Variants in HRH1 observed in about 807,000 individuals in gnomAD.
The protein encoded by HRH1 is histamine receptor H1, also known as histamine H1 receptor.
Under a neutral mutation model 10.3 loss-of-function variants are expected in HRH1, and 6 were observed. The ratio of observed to expected loss-of-function variants is 0.58; its 90% CI spans 0.32 to 1.15. The LOEUF (loss-of-function observed/expected upper bound fraction) is 1.15. Ranked by LOEUF, HRH1 falls within the 50% of genes most tolerant of loss-of-function variation. The pLI, the probability that HRH1 is intolerant of heterozygous loss-of-function variation, is 0.05. For missense variants in HRH1, 514 were observed against 615.3 expected (o/e 0.84, Z 1.74); for synonymous variants, 242 against 236.7 (o/e 1.02, Z -0.21).
chr3:11,248,938 A>G (rs1370658017), intron 1 of HRH1, among the ~76,000 whole-genome samples: 1 of 152,234 alleles, frequency 6.6e-6, no homozygotes, highest in Non-Finnish European at 1.5e-5. Context: ...CAAGCCTAAC[A>G]GTCGCTTTTA....
At chr3:11,186,231 C>G (rs1270361294) in intron 1 of HRH1, among the ~76,000 whole-genome samples, 1 of 152,168 alleles carries the variant, frequency 6.6e-6, no homozygotes, top group Admixed American at 6.5e-5. Context: ...ATGTGGGCAG[C>G]CTGACCTCTA....
At chr3:11,217,028 A>G (rs1938529871) in intron 1 of HRH1, among the ~76,000 whole-genome samples, 4 of 151,736 alleles carry the variant, frequency 2.6e-5, no homozygotes, top group Admixed American at 2.6e-4. Context: ...TACTAAAAAT[A>G]CAAAAAAATT....
intron 1 of HRH1, among the ~76,000 whole-genome samples, chr3:11,212,339 C>T (rs545245180): frequency 6.6e-6 from 1 of 152,206 alleles, no homozygotes; most frequent in East Asian, 1.9e-4. Context: ...GGTTCTTTTC[C>T]AGTCTGGGCA....
chr3:11,197,044 G>C (rs1255106812), intron 1 of HRH1, among the ~76,000 whole-genome samples: 2 of 149,430 alleles, frequency 1.3e-5, no homozygotes, highest in African/African-American at 2.5e-5. Context: ...AGAGTGGCGT[G>C]AACTCAGGAG....
In HRH1 at chr3:11,241,136, CATT is replaced by C. The variant is rs1359395981; in HGVS notation, c.-35-17866_-35-17864del. ...CCCTATTATAAAATAAAGACAATCTCATTGTTGAAATCCTGAGAAATACCAAAT... is the reference window on the plus strand; with the variant it reads ...CCCTATTATAAAATAAAGACAATCTCGTTGAAATCCTGAGAAATACCAAAT... On this transcript the variant is annotated intron_variant, in intron 1 of 1. Transcript: ENST00000431010. Among the ~76,000 whole-genome samples, 5 of 152,248 alleles carry C rather than the reference CATT, an allele frequency of 3.3e-5. No homozygotes were observed. In the East Asian group the frequency reaches 7.7e-4, roughly 23 times the overall value.
At chr3:11,149,738 G>C (rs1936557961), upstream of HRH1, among the ~76,000 whole-genome samples, 1 of 152,230 alleles carries the variant, frequency 6.6e-6, no homozygotes, top group Non-Finnish European at 1.5e-5. Context: ...AATTTATGCT[G>C]AACACATTTC....
At chr3:11,187,742 CGAT>C in intron 1 of HRH1, among the ~76,000 whole-genome samples, 1 of 152,296 alleles carries the variant, frequency 6.6e-6, no homozygotes, top group African/African-American at 2.4e-5. Flanking sequence ...CCAACTCCTA[CGAT>C]GATTTGTATT....
intron 1 of HRH1, among the ~76,000 whole-genome samples, chr3:11,197,561 A>G (rs1006968724): frequency 2.6e-5 from 4 of 152,196 alleles, no homozygotes; most frequent in African/African-American, 4.8e-5. Context: ...CTCAGTGCCA[A>G]TTTGGATGTT....
intron 1 of HRH1, among the ~76,000 whole-genome samples, chr3:11,195,241 T>C (rs1043277692): frequency 6.6e-6 from 1 of 152,170 alleles, no homozygotes; most frequent in African/African-American, 2.4e-5. Flanking sequence ...TCAAAAGTGG[T>C]TCCTTGGAAA....
At chr3:11,152,271 T>C (rs1035872238), upstream of HRH1, among the ~76,000 whole-genome samples, 1 of 152,204 alleles carries the variant, frequency 6.6e-6, no homozygotes, top group Non-Finnish European at 1.5e-5. Flanking sequence ...CTGTTACTTT[T>C]CTGCTGCAGC....
chr3:11,165,789 T>C (rs1937018334), intron 1 of HRH1, among the ~76,000 whole-genome samples: 1 of 152,196 alleles, frequency 6.6e-6, no homozygotes, highest in South Asian at 2.1e-4. Flanking sequence ...TGTCTATCTG[T>C]GCACTAAATG....
At chr3:11,166,089 C>A (rs13063467) in intron 1 of HRH1, among the ~76,000 whole-genome samples, 9,818 of 152,220 alleles carry the variant, frequency 0.064, 598 homozygotes, top group African/African-American at 0.16. Context: ...GGCAACCAGC[C>A]CTTCCCCAGA....
chr3:11,207,992 GCAGA>G (rs1192959136), intron 1 of HRH1, among the ~76,000 whole-genome samples: 3 of 152,174 alleles, frequency 2.0e-5, no homozygotes, highest in African/African-American at 4.8e-5. Flanking sequence ...AGAAGCAAGA[GCAGA>G]CAGTCTTTCC....
chr3:11,193,547 C>A (rs182168585), intron 1 of HRH1, among the ~76,000 whole-genome samples: 1 of 152,002 alleles, frequency 6.6e-6, no homozygotes, highest in African/African-American at 2.4e-5. Context: ...GTTCATAGAC[C>A]GAACCTTCTC....
intron 1 of HRH1, among the ~76,000 whole-genome samples, chr3:11,170,123 A>G (rs1020694973): frequency 1.3e-5 from 2 of 152,196 alleles, no homozygotes; most frequent in African/African-American, 4.8e-5. Flanking sequence ...GAGCTGTGTG[A>G]CAGGTGAACG....
rs529978896 is a variant in HRH1 at position 11,142,251 on chromosome 3, C to T, written c.-36+4852C>T. 3.3e-5 allele frequency among the ~76,000 whole-genome samples: 5 copies of T among 152,296 alleles called. No homozygotes were observed. The South Asian group carries it at 1.0e-3, about 32-fold the overall frequency. Reference sequence around the variant, plus strand: ...GACCTTAGAGGCAGGAGTCCTGGAGCCTAGGTCTGTCTCTGACATTGATTT... The same window carrying T: ...GACCTTAGAGGCAGGAGTCCTGGAGTCTAGGTCTGTCTCTGACATTGATTT... On this transcript the variant is annotated intron_variant, in intron 1 of 1. Coordinates refer to the HRH1 transcript ENST00000438284.
chr3:11,171,674 C>T (rs1179101211), intron 1 of HRH1, among the ~76,000 whole-genome samples: 1 of 152,248 alleles, frequency 6.6e-6, no homozygotes, highest in Non-Finnish European at 1.5e-5. Flanking sequence ...GAACTTCTCA[C>T]TCTTCAAACA....
Position 11,154,678 on chromosome 3 carries a change from G to A in HRH1, c.-36+124G>A, listed in dbSNP as rs1574977665. ...GCGGCCGGGAACCCCGGAGCCGCCC[G>A]CTTGAGAAGAGCGCGCTTGGGTACC... On this transcript the variant is annotated intron_variant, in intron 1 of 1. Transcript: ENST00000431010. This position sits in a 1 kb window ranked among gnomAD's most constrained non-coding sequence, Gnocchi z 4.4. The A allele has an allele frequency of 1.3e-5, 2 of 152,178 alleles. No homozygotes were observed. Among genetic ancestry groups the A allele is most frequent in the East Asian group, 3.9e-4 (2 of 5,130 alleles). 9.4% of individuals were successfully genotyped at this position (152,178 alleles called of 1,614,324 possible). A position where few individuals can be genotyped will look rare whatever the true frequency, so the allele number is the denominator to read the frequency against.
At chr3:11,142,012 G>A (rs1936301130) in intron 1 of HRH1, among the ~76,000 whole-genome samples, 1 of 152,206 alleles carries the variant, frequency 6.6e-6, no homozygotes, top group Non-Finnish European at 1.5e-5. Flanking sequence ...CCTTGTCTGA[G>A]CACCAACTGT....
Sources: allele counts gnomAD v4.1 joint callset (sites outside exome capture counted in the v4.1 genomes callset), GRCh38; gene constraint gnomAD v4.1.1; non-coding constraint Gnocchi (gnomAD v3.1); transcripts MANE v1.5; gene names NCBI Gene and HGNC (gene_info 2026-07-23, HGNC 2026-07-21).